The following PBLD variants were observed in gnomAD, a reference collection of about 807,000 sequenced individuals.
PBLD encodes phenazine biosynthesis like protein domain containing, also known as phenazine biosynthesis-like domain-containing protein.
In PBLD, 26 loss-of-function variants were observed where a neutral mutation model predicts 31.3. The observed-to-expected ratio is 0.83, with a 90% CI of 0.61 to 1.15. The LOEUF is 1.15. Ranked by LOEUF, PBLD falls within the 50% of genes most tolerant of loss-of-function variation. PBLD has a pLI of 0.00. For synonymous variants in PBLD, 114 were observed against 129.0 expected, an observed-to-expected ratio of 0.88 and a Z score of 0.79; for missense variants, 307 against 351.7, an observed-to-expected ratio of 0.87 and a Z score of 1.02.
chr10:68,313,210 G>A (rs1199312134), intron 1 of PBLD, among the ~76,000 whole-genome samples: 5 of 152,032 alleles, frequency 3.3e-5, no homozygotes, highest in African/African-American at 9.7e-5. Context: ...CCAACGTGCC[G>A]GGCCGAGTTT....
At chr10:68,331,126 G>A in intron 1 of PBLD, 1 of 152,232 alleles carries the variant, frequency 6.6e-6, no homozygotes, top group Non-Finnish European at 1.5e-5. Flanking sequence ...CTCCCCCTCG[G>A]CCTCTCAAAG....
At chr10:68,311,274 T>A (rs1316811239) in intron 1 of PBLD, among the ~76,000 whole-genome samples, 1 of 151,968 alleles carries the variant, frequency 6.6e-6, no homozygotes, top group Non-Finnish European at 1.5e-5. Context: ...TGAAACCCCA[T>A]CTCTACTAAA....
rs71009034 is a variant in PBLD, at chr10:68,286,085, C to CT, written c.692-676dup. Reference sequence around the variant, plus strand: ...GGAGAATCAAGGCCTTTGAATAATTCTTTTTTTTTTTTTTTTTTTTGAGAC... The same window carrying CT: ...GGAGAATCAAGGCCTTTGAATAATTCTTTTTTTTTTTTTTTTTTTTTGAGAC... On this transcript the variant is annotated intron_variant, in intron 8 of 9. Coordinates refer to ENST00000358769, the MANE Select transcript of PBLD (RefSeq NM_022129.4). Among the ~76,000 whole-genome samples, 380 of 103,412 alleles carry CT rather than the reference C, an allele frequency of 3.7e-3. 16 individuals are homozygous for CT. Among genetic ancestry groups the CT allele is most frequent in the African/African-American group, 9.9e-3 (272 of 27,464 alleles). The allele number at this position is 103,412 out of a possible 152,430, so 67.8% of individuals were successfully genotyped here.
At position 68,296,880 on chromosome 10, in the gene PBLD, A is replaced by G. The variant is rs1465027450; in HGVS notation, c.184+6T>C. The G allele has an allele frequency of 1.2e-6, 2 of 1,606,626 alleles. No homozygotes were observed. Among genetic ancestry groups the G allele is most frequent in the Admixed American group, 3.3e-5 (2 of 59,900 alleles). On this transcript the variant is annotated splice_donor_region_variant and intron_variant, in intron 3 of 9. Coordinates refer to ENST00000358769, the MANE Select transcript of PBLD (RefSeq NM_022129.4). The stretch of plus-strand genomic sequence containing the variant: ...CAGTTCTTAAAAAAAAAAAATGCAT[A>G]TTTACTTTGTGCAAAGTTGTCTGTC...
At chr10:68,326,291 C>T (rs955352275) in intron 1 of PBLD, among the ~76,000 whole-genome samples, 9 of 152,226 alleles carry the variant, frequency 5.9e-5, no homozygotes, top group African/African-American at 1.7e-4. Flanking sequence ...CCGCCAGCTT[C>T]GGCCTACTAG....
rs1018052079 is a variant in PBLD at position 68,296,444 on chromosome 10, A to G, written c.185-80T>C. ...CAGATTTCTCATTTTCTTCTTTCCT[A>G]TATAGTTCTCTAGCATGATGAGTAG... On this transcript the variant is annotated intron_variant, in intron 3 of 9. Coordinates refer to ENST00000358769, the MANE Select transcript of PBLD (RefSeq NM_022129.4). 3 of 1,084,664 alleles carry G rather than the reference A, an allele frequency of 2.8e-6. No homozygotes were observed. In the African/African-American group the frequency reaches 4.7e-5, roughly 17 times the overall value. The allele number at this position is 1,084,664 out of a possible 1,614,324, so 67.2% of individuals were successfully genotyped here. A position where few individuals can be genotyped will look rare whatever the true frequency, so the allele number is the denominator to read the frequency against.
At position 68,283,964 on chromosome 10, in the gene PBLD, G is replaced by A. The variant is rs1807347; in HGVS notation, c.*213C>T. On this transcript the variant is annotated 3_prime_UTR_variant, in exon 10 of 10. Coordinates refer to ENST00000358769, the MANE Select transcript of PBLD (RefSeq NM_022129.4). ...GTTTCACCATGTTGGCCAGGCTGGTGTCGAACCCCTGACCTCAGGTGATCC... is the reference window on the plus strand; with the variant it reads ...GTTTCACCATGTTGGCCAGGCTGGTATCGAACCCCTGACCTCAGGTGATCC... 0.24 allele frequency: 94,614 copies of A among 401,102 alleles called. 12,408 individuals carry two copies. The highest frequency in any genetic ancestry group is 0.34 in the Admixed American group (8,133 of 24,092). The allele number at this position is 401,102 out of a possible 1,614,324, so 24.8% of individuals were successfully genotyped here. A position where few individuals can be genotyped will look rare whatever the true frequency, so the allele number is the denominator to read the frequency against.
chr10:68,284,569 C>T (rs1219731855), intron 9 of PBLD, among the ~76,000 whole-genome samples: 1 of 152,166 alleles, frequency 6.6e-6, no homozygotes, highest in East Asian at 1.9e-4. Flanking sequence ...GGCCCAGACA[C>T]ACCCCACTCA....
chr10:68,311,250 C>T (rs2044663313), intron 1 of PBLD, among the ~76,000 whole-genome samples: 1 of 152,092 alleles, frequency 6.6e-6, no homozygotes, highest in Non-Finnish European at 1.5e-5. Flanking sequence ...TCCAGACCAG[C>T]CTGGCCAACA....
chr10:68,319,772 A>G (rs2044805181), intron 1 of PBLD, among the ~76,000 whole-genome samples: 1 of 151,982 alleles, frequency 6.6e-6, no homozygotes, highest in Non-Finnish European at 1.5e-5. Context: ...AATGCTTTCT[A>G]TAAGAGACAA....
At chr10:68,332,024 C>T (rs1479027307) in intron 1 of PBLD, 1 of 152,564 alleles carries the variant, frequency 6.6e-6, no homozygotes, top group Non-Finnish European at 1.5e-5. Context: ...TCTCGCTCCG[C>T]CCCCCACTTC....
intron 2 of PBLD, among the ~76,000 whole-genome samples, chr10:68,299,672 A>G (rs1445716829): frequency 2.0e-5 from 3 of 151,912 alleles, no homozygotes; most frequent in Non-Finnish European, 2.9e-5. Flanking sequence ...CCTGGCCAAC[A>G]TGGCAAAACC....
At chr10:68,330,016 T>C (rs886171353) in intron 1 of PBLD, among the ~76,000 whole-genome samples, 12 of 152,004 alleles carry the variant, frequency 7.9e-5, no homozygotes, top group African/African-American at 2.9e-4. Flanking sequence ...GTACAGTGTG[T>C]AGCTTATGCT....
At chr10:68,319,111 G>GAAAGAAAGAAAGAAA (rs1554860577) in intron 1 of PBLD, among the ~76,000 whole-genome samples, 1,833 of 115,570 alleles carry the variant, frequency 0.016, 66 homozygotes, top group East Asian at 0.034. Flanking sequence ...AAGAAAGAAA[G>GAAAGAAAGAAAGAAA]GAAAAAGAAA....
intron 1 of PBLD, among the ~76,000 whole-genome samples, chr10:68,328,105 T>C (rs1483685560): frequency 6.6e-6 from 1 of 152,112 alleles, no homozygotes; most frequent in Non-Finnish European, 1.5e-5. Flanking sequence ...ATAAAGGAGA[T>C]TAGTGCTTTC....
At chr10:68,284,338 T>A (rs2044261542) in intron 9 of PBLD, 49 bp from the exon 10 acceptor site, 1 of 1,470,126 alleles carries the variant, frequency 6.8e-7, no homozygotes, top group Admixed American at 1.7e-5. Flanking sequence ...CCCTTTTAAA[T>A]TAACAAAGCA....
In PBLD at chr10:68,296,353, C is replaced by T. The variant is rs2044427197; in HGVS notation, c.196G>A (p.Gly66Arg). The T allele has an allele frequency of 6.2e-7, 1 of 1,613,306 alleles. No individual in the cohort carries two copies. The highest frequency in any genetic ancestry group is 1.1e-5 in the South Asian group (1 of 91,024). The part of the protein sequence containing the change: ...TDNFAQSSCF[G>R]LRWFTPASEV... Reference sequence around the variant, plus strand: ...CTCGCTGGTGTAAACCATCTCAGTCCAAAGCAGGAACCTGAGGATAGGAAA... The same window carrying T: ...CTCGCTGGTGTAAACCATCTCAGTCTAAAGCAGGAACCTGAGGATAGGAAA... The change falls in exon 4 of 10, where the codon GGA becomes AGA. Residue 66 changes from glycine to arginine, a missense_variant. Physicochemically the swap from Gly to Arg is moderately radical, Grantham distance 125. Coordinates refer to ENST00000358769, the MANE Select transcript of PBLD (RefSeq NM_022129.4).
intron 4 of PBLD, among the ~76,000 whole-genome samples, chr10:68,292,489 T>C (rs73271157): frequency 0.059 from 8,876 of 150,286 alleles, 909 homozygotes; most frequent in African/African-American, 0.21. Context: ...TACTGCTTAC[T>C]GTGCCCTTAC....
chr10:68,322,945 T>C (rs1358881166), intron 1 of PBLD, among the ~76,000 whole-genome samples: 1 of 151,900 alleles, frequency 6.6e-6, no homozygotes, highest in Non-Finnish European at 1.5e-5. Context: ...CTCACTATGT[T>C]GCTCAGTCTG....
Sources: allele counts gnomAD v4.1 joint callset (sites outside exome capture counted in the v4.1 genomes callset), GRCh38; gene constraint gnomAD v4.1.1; transcripts MANE v1.5; gene names NCBI Gene and HGNC (gene_info 2026-07-23, HGNC 2026-07-21).